KHDRBS2: variants seen among roughly 807,000 people sequenced by gnomAD.
KHDRBS2 encodes the protein KH domain-containing, RNA-binding, signal transduction-associated protein 2.
A neutral mutation model predicts 44.3 loss-of-function variants in KHDRBS2; 26 were observed. The ratio of observed to expected loss-of-function variants is 0.59; its 90% confidence interval spans 0.43 to 0.81. The LOEUF (loss-of-function observed/expected upper bound fraction) is 0.81, where lower values mean the gene tolerates loss of function less well. Ranked by LOEUF, KHDRBS2 falls within the 40% of genes least tolerant of loss-of-function variation. The pLI is 0.00. For missense variants in KHDRBS2, 476 were observed against 433.1 expected (o/e 1.10, Z -0.88); for synonymous variants, 194 against 151.1 (o/e 1.28, Z -2.08).
chr6:61,553,391 T>G, the KHDRBS2 span, among the ~76,000 whole-genome samples: 1,305 of 152,226 alleles, frequency 8.6e-3, 22 homozygotes, highest in African/African-American at 0.029. Context: ...ATCTGCCCTC[T>G]TTTTTCATTA....
intron 6 of KHDRBS2, among the ~76,000 whole-genome samples, chr6:61,885,120 TCAA>T (rs1312719723): frequency 2.0e-5 from 3 of 152,122 alleles, no homozygotes; most frequent in Non-Finnish European, 4.4e-5. Flanking sequence ...GTTTTATTAG[TCAA>T]CAAATCCCTA....
intron 1 of KHDRBS2, among the ~76,000 whole-genome samples, chr6:62,235,260 C>T (rs996503810): frequency 3.3e-5 from 5 of 151,870 alleles, no homozygotes; most frequent in Admixed American, 6.6e-5. Context: ...CTCTCCATTG[C>T]CTCTAGAGAT....
the KHDRBS2 span, among the ~76,000 whole-genome samples, chr6:61,557,395 T>G: frequency 6.6e-6 from 1 of 151,806 alleles, no homozygotes; most frequent in Non-Finnish European, 1.5e-5. Context: ...ATATAGAGAG[T>G]GTCTCTCCTG....
At chr6:62,025,852 A>G (rs1783212028) in intron 3 of KHDRBS2, among the ~76,000 whole-genome samples, 1 of 152,082 alleles carries the variant, frequency 6.6e-6, no homozygotes, top group South Asian at 2.1e-4. Flanking sequence ...TTGTTAACAT[A>G]TTCCTTCTCC....
chr6:61,948,204 A>G (rs1763994660), intron 4 of KHDRBS2, among the ~76,000 whole-genome samples: 1 of 152,090 alleles, frequency 6.6e-6, no homozygotes, highest in East Asian at 1.9e-4. Context: ...CCAACTATGA[A>G]GCAAAATCAG....
chr6:62,108,732 C>T lies in KHDRBS2; in HGVS notation c.220-60738G>A, dbSNP rs150912296. ...ACAATGATAGACTGGATTAAGAAAA[C>T]GTGGCATATATACACCATGGAATAC... On this transcript the variant is annotated intron_variant, in intron 2 of 8. Coordinates refer to ENST00000281156, the MANE Select transcript of KHDRBS2 (RefSeq NM_152688.4). Among the ~76,000 whole-genome samples the T allele has an allele frequency of 7.2e-3, 1,095 of 152,094 alleles. 15 individuals carry two copies. The highest frequency in any genetic ancestry group is 0.024 in the African/African-American group (1,005 of 41,490).
chr6:61,755,416 T>G (rs1243182266), intron 6 of KHDRBS2, among the ~76,000 whole-genome samples: 1 of 152,036 alleles, frequency 6.6e-6, no homozygotes, highest in Non-Finnish European at 1.5e-5. Context: ...TAAAAGTTCA[T>G]CAAAACTAGT....
At chr6:61,720,258 A>G (rs1172206030) in intron 7 of KHDRBS2, among the ~76,000 whole-genome samples, 3 of 152,150 alleles carry the variant, frequency 2.0e-5, no homozygotes, top group African/African-American at 7.2e-5. Flanking sequence ...GTGTCTTTGT[A>G]GCAGCATGAT....
intron 6 of KHDRBS2, among the ~76,000 whole-genome samples, chr6:61,880,472 A>G (rs1800046048): frequency 6.6e-6 from 1 of 151,880 alleles, no homozygotes; most frequent in African/African-American, 2.4e-5. Context: ...TGTAAAAGAA[A>G]ATCTCAAACA....
intron 2 of KHDRBS2, among the ~76,000 whole-genome samples, chr6:62,129,621 C>A (rs1394972592): frequency 2.6e-5 from 4 of 152,068 alleles, no homozygotes; most frequent in Admixed American, 6.6e-5. Context: ...AAAGAATGTT[C>A]TTTAAGGTGC....
chr6:61,960,565 A>T (rs899667818), intron 4 of KHDRBS2, among the ~76,000 whole-genome samples: 1 of 152,140 alleles, frequency 6.6e-6, no homozygotes, highest in African/African-American at 2.4e-5. Flanking sequence ...CAATAAAAAC[A>T]TGACTAGCTT....
intron 3 of KHDRBS2, among the ~76,000 whole-genome samples, chr6:62,007,174 T>A (rs1779397202): frequency 6.6e-6 from 1 of 152,112 alleles, no homozygotes. Context: ...AATCCAGTTG[T>A]ACTTTTTCAA....
chr6:61,857,966 T>C (rs1230924380), intron 6 of KHDRBS2, among the ~76,000 whole-genome samples: 1 of 152,010 alleles, frequency 6.6e-6, no homozygotes, highest in Non-Finnish European at 1.5e-5. Context: ...CACACTGTGT[T>C]ATATAACACA....
chr6:61,823,321 A>G (rs1422153827), intron 6 of KHDRBS2, among the ~76,000 whole-genome samples: 1 of 152,056 alleles, frequency 6.6e-6, no homozygotes, highest in Non-Finnish European at 1.5e-5. Flanking sequence ...AGTTGTATAT[A>G]ATTTTTGATA....
chr6:61,626,016 A>T, the KHDRBS2 span, among the ~76,000 whole-genome samples: 3 of 152,236 alleles, frequency 2.0e-5, no homozygotes, highest in Non-Finnish European at 4.4e-5. Flanking sequence ...AGACATGTTC[A>T]TCTATATTTG....
At chr6:62,166,845 G>C (rs1300260307) in intron 2 of KHDRBS2, among the ~76,000 whole-genome samples, 3 of 151,916 alleles carry the variant, frequency 2.0e-5, no homozygotes, top group Non-Finnish European at 4.4e-5. Context: ...AAAAGAAATA[G>C]CAGAAGATCC....
intron 2 of KHDRBS2, among the ~76,000 whole-genome samples, chr6:62,071,976 T>C (rs929740508): frequency 6.6e-6 from 1 of 152,240 alleles, no homozygotes; most frequent in African/African-American, 2.4e-5. Flanking sequence ...CCCATGAGCA[T>C]GGAATGTTCT....
intron 6 of KHDRBS2, among the ~76,000 whole-genome samples, chr6:61,892,198 T>G (rs1383928099): frequency 6.6e-6 from 1 of 152,072 alleles, no homozygotes. Flanking sequence ...TTACAAGGGA[T>G]GTGAAGGACC....
the KHDRBS2 span, among the ~76,000 whole-genome samples, chr6:61,574,943 C>A: frequency 1.3e-5 from 2 of 152,094 alleles, no homozygotes; most frequent in African/African-American, 2.4e-5. Flanking sequence ...GGATCCTCAT[C>A]TCTCACCCTA....
Sources: allele counts gnomAD v4.1 joint callset (sites outside exome capture counted in the v4.1 genomes callset), GRCh38; gene constraint gnomAD v4.1.1; transcripts MANE v1.5; gene names NCBI Gene and HGNC (gene_info 2026-07-23, HGNC 2026-07-21).